Variants in HSD17B12 observed in about 807,000 individuals in gnomAD.
HSD17B12 encodes hydroxysteroid 17-beta dehydrogenase 12, also known as very-long-chain 3-oxoacyl-CoA reductase.
A neutral mutation model predicts 39.3 loss-of-function variants in HSD17B12; 32 were observed. That is an observed-to-expected ratio of 0.81 (90% CI 0.61 to 1.09). The LOEUF is 1.09. Among genes scored for constraint, HSD17B12 ranks in the 50% least tolerant of loss-of-function variants. The probability of loss-of-function intolerance (pLI) is 0.00; values close to 1 mark genes in which losing one functional copy is unlikely to be tolerated. For synonymous variants in HSD17B12, 150 were observed against 146.7 expected (o/e 1.02, Z -0.16); for missense variants, 342 against 382.9 (o/e 0.89, Z 0.89).
At chr11:43,823,057 T>G (rs992875961) in intron 6 of HSD17B12, among the ~76,000 whole-genome samples, 1 of 152,090 alleles carries the variant, frequency 6.6e-6, no homozygotes, top group African/African-American at 2.4e-5. Context: ...TTTTACTTTT[T>G]TTGGGGGGGT....
chr11:43,660,952 C>G, the HSD17B12 span, among the ~76,000 whole-genome samples: 1 of 152,228 alleles, frequency 6.6e-6, no homozygotes, highest in East Asian at 1.9e-4. Flanking sequence ...TGGCGAAACC[C>G]CGTCTCTACT....
intron 3 of HSD17B12, among the ~76,000 whole-genome samples, chr11:43,791,556 G>C (rs1590303700): frequency 1.3e-5 from 2 of 151,838 alleles, no homozygotes; most frequent in East Asian, 3.9e-4. Context: ...AGAAGAAGAA[G>C]AAGAGGAATA....
At chr11:43,655,651 C>A in the HSD17B12 span, among the ~76,000 whole-genome samples, 9 of 152,170 alleles carry the variant, frequency 5.9e-5, no homozygotes, top group Non-Finnish European at 8.8e-5. Flanking sequence ...TTTTCTGCAT[C>A]TATTGAGATA....
At chr11:43,721,719 A>G (rs553821164) in intron 1 of HSD17B12, among the ~76,000 whole-genome samples, 5 of 152,320 alleles carry the variant, frequency 3.3e-5, no homozygotes, top group African/African-American at 1.2e-4. Context: ...AGCCGAGAGT[A>G]TAAGAGGAGA....
At chr11:43,740,672 A>G (rs545035935) in intron 1 of HSD17B12, among the ~76,000 whole-genome samples, 3 of 152,328 alleles carry the variant, frequency 2.0e-5, no homozygotes, top group Admixed American at 2.0e-4. Flanking sequence ...TGACTAGATG[A>G]AGGGCAAAAG....
At chr11:43,814,707 AG>A (rs1370667517) in intron 4 of HSD17B12, among the ~76,000 whole-genome samples, 1 of 152,178 alleles carries the variant, frequency 6.6e-6, no homozygotes, top group Non-Finnish European at 1.5e-5. Context: ...GGAGACATTT[AG>A]TCTGACCCAC....
At chr11:43,815,625 C>T in intron 5 of HSD17B12, 124 bp downstream of exon 5, 1 of 533,014 alleles carries the variant, frequency 1.9e-6, no homozygotes, top group Non-Finnish European at 3.5e-6. Flanking sequence ...CTGTTTACTA[C>T]CTGAGTTCCC....
the HSD17B12 span, among the ~76,000 whole-genome samples, chr11:43,643,551 C>A: frequency 6.6e-6 from 1 of 152,050 alleles, no homozygotes; most frequent in Non-Finnish European, 1.5e-5. Context: ...GATTATCTAT[C>A]AAGAGAGTGA....
chr11:43,662,377 TTG>T, the HSD17B12 span, among the ~76,000 whole-genome samples: 1,513 of 128,502 alleles, frequency 0.012, 12 homozygotes, highest in African/African-American at 0.029. Context: ...TTTATTTTAT[TTG>T]TGTGTGTGTG....
At chr11:43,839,320 A>G (rs1312918046) in intron 8 of HSD17B12, among the ~76,000 whole-genome samples, 1 of 152,106 alleles carries the variant, frequency 6.6e-6, no homozygotes, top group Non-Finnish European at 1.5e-5. Context: ...TTTAAAATGA[A>G]TGCCATGTTT....
the HSD17B12 span, among the ~76,000 whole-genome samples, chr11:43,561,588 C>G: frequency 6.6e-6 from 1 of 152,152 alleles, no homozygotes. Context: ...GACCCTCCAT[C>G]GTTGGTTGAG....
chr11:43,620,593 C>A, the HSD17B12 span, among the ~76,000 whole-genome samples: 1 of 152,142 alleles, frequency 6.6e-6, no homozygotes, highest in Non-Finnish European at 1.5e-5. Flanking sequence ...CATTCAGATG[C>A]CTATAAACCG....
At chr11:43,686,010 T>A (rs12294299) in intron 1 of HSD17B12, among the ~76,000 whole-genome samples, 75,179 of 151,970 alleles carry the variant, frequency 0.49, 19,013 homozygotes, top group Non-Finnish European at 0.53. Context: ...TACTGGAAAG[T>A]TACTAAGGTG....
At chr11:43,810,516 C>T (rs1056025477) in intron 4 of HSD17B12, among the ~76,000 whole-genome samples, 5 of 151,978 alleles carry the variant, frequency 3.3e-5, no homozygotes, top group African/African-American at 9.7e-5. Context: ...TAAGCATGGC[C>T]TATGTCAGTT....
chr11:43,579,270 C>T, the HSD17B12 span: 1 of 152,404 alleles, frequency 6.6e-6, no homozygotes, highest in Non-Finnish European at 1.5e-5. Flanking sequence ...AGCGACGAGT[C>T]TTCAACAAGT....
chr11:43,568,639 A>G, the HSD17B12 span, among the ~76,000 whole-genome samples: 2 of 152,218 alleles, frequency 1.3e-5, no homozygotes, highest in African/African-American at 4.8e-5. Flanking sequence ...GTGCCCACAC[A>G]TTTTATAGGT....
chr11:43,785,938 C>T (rs1950811978), intron 3 of HSD17B12, among the ~76,000 whole-genome samples: 2 of 152,128 alleles, frequency 1.3e-5, no homozygotes, highest in South Asian at 4.1e-4. Flanking sequence ...GTTAATATTA[C>T]CCCCAATCTT....
intron 3 of HSD17B12, among the ~76,000 whole-genome samples, chr11:43,783,297 A>C (rs1403936694): frequency 6.6e-6 from 1 of 152,124 alleles, no homozygotes; most frequent in African/African-American, 2.4e-5. Context: ...TGGTTACATC[A>C]TTTAGGAGAC....
chr11:43,659,066 G>A, the HSD17B12 span, among the ~76,000 whole-genome samples: 3 of 152,206 alleles, frequency 2.0e-5, no homozygotes, highest in Non-Finnish European at 2.9e-5. Context: ...CAGCTGCTTT[G>A]TTTACCTGCT....
Sources: gnomAD v4.1 joint callset for allele counts (sites outside exome capture counted in the v4.1 genomes callset) on GRCh38, gnomAD v4.1.1 for gene constraint, MANE v1.5 for transcripts, NCBI Gene and HGNC (gene_info 2026-07-23, HGNC 2026-07-21) for gene names.